Variants in LINC00305 observed in about 807,000 individuals in gnomAD.
LINC00305 encodes the protein long independently transcribed non-coding RNA 305.
At chr18:64,140,771 A>T (rs1336490541) in intron 1 of LINC00305, among the ~76,000 whole-genome samples, 1 of 152,048 alleles carries the variant, frequency 6.6e-6, no homozygotes, top group Admixed American at 6.6e-5. Flanking sequence ...CCTTGGGGAG[A>T]TTATTTTTTC....
chr18:64,141,223 T>C (rs1237636370), intron 1 of LINC00305, among the ~76,000 whole-genome samples: 2 of 151,938 alleles, frequency 1.3e-5, no homozygotes, highest in African/African-American at 4.8e-5. Context: ...TTGTTTTGAG[T>C]ATGGACGAAT....
At chr18:64,083,159 A>C (rs918244751) in intron 3 of LINC00305, among the ~76,000 whole-genome samples, 24 of 152,076 alleles carry the variant, frequency 1.6e-4, no homozygotes, top group Admixed American at 1.6e-3. Flanking sequence ...TTTAATAAAT[A>C]TTTTAAAAAT....
At chr18:64,135,415 C>T (rs2051428386) in intron 1 of LINC00305, among the ~76,000 whole-genome samples, 1 of 152,062 alleles carries the variant, frequency 6.6e-6, no homozygotes, top group Admixed American at 6.6e-5. Context: ...ATGTGCCAGT[C>T]AGTAACCCTG....
chr18:64,103,732 AC>A (rs2051277457), intron 1 of LINC00305, among the ~76,000 whole-genome samples: 1 of 152,136 alleles, frequency 6.6e-6, no homozygotes, highest in Non-Finnish European at 1.5e-5. Flanking sequence ...AAATATACTT[AC>A]CCTACACCAA....
At chr18:64,111,960 C>CA (rs2051316439) in intron 1 of LINC00305, among the ~76,000 whole-genome samples, 1 of 152,138 alleles carries the variant, frequency 6.6e-6, no homozygotes, top group East Asian at 1.9e-4. Flanking sequence ...GGATGAATTC[C>CA]AAAATATTTG....
intron 1 of LINC00305, among the ~76,000 whole-genome samples, chr18:64,110,905 G>C (rs1042473133): frequency 6.6e-6 from 1 of 152,186 alleles, no homozygotes; most frequent in African/African-American, 2.4e-5. Flanking sequence ...TGACCTCGCA[G>C]CAGGAAGTAT....
intron 1 of LINC00305, among the ~76,000 whole-genome samples, chr18:64,103,851 T>C (rs982665255): frequency 1.3e-5 from 2 of 152,248 alleles, no homozygotes; most frequent in Non-Finnish European, 2.9e-5. Flanking sequence ...ATGTTAATTT[T>C]AGCCTCAAAA....
At chr18:64,134,381 A>T (rs1044568000) in intron 1 of LINC00305, among the ~76,000 whole-genome samples, 2 of 152,228 alleles carry the variant, frequency 1.3e-5, no homozygotes, top group African/African-American at 4.8e-5. Flanking sequence ...GAACTGATCA[A>T]GATTTGTTTT....
In LINC00305 at chr18:64,146,479, T is replaced by G. The variant is rs146940556; in HGVS notation, n.314+2296A>C. On this transcript the variant is annotated intron_variant and non_coding_transcript_variant, in intron 1 of 3. Coordinates refer to ENST00000666468, the Ensembl canonical transcript of LINC00305. Reference sequence around the variant, plus strand: ...TCCTTCTAGGTTGAATACCAGGATGTTGTGGCAACCAGAAAAATAGAGATG... The same window carrying G: ...TCCTTCTAGGTTGAATACCAGGATGGTGTGGCAACCAGAAAAATAGAGATG... 2.5e-3 allele frequency among the ~76,000 whole-genome samples: 379 copies of G among 152,268 alleles called. 2 individuals carry two copies. The East Asian group carries it at 0.037, about 15-fold the overall frequency.
chr18:64,118,903 A>G lies in LINC00305; in HGVS notation n.315-20263T>C, dbSNP rs984892696. The stretch of plus-strand genomic sequence containing the variant: ...TCCTTTGTCCATAGGATTACACTTC[A>G]TACAAAGTAGGGTCTTGATAAATAT... On this transcript the variant is annotated intron_variant and non_coding_transcript_variant, in intron 1 of 3. Coordinates refer to ENST00000666468, the Ensembl canonical transcript of LINC00305. Among the ~76,000 whole-genome samples, 4 of 151,800 alleles carry G rather than the reference A, an allele frequency of 2.6e-5. No individual in the cohort carries two copies. In the South Asian group the frequency reaches 8.3e-4, roughly 32 times the overall value.
At chr18:64,111,800 C>T (rs185072730) in intron 1 of LINC00305, among the ~76,000 whole-genome samples, 12 of 152,248 alleles carry the variant, frequency 7.9e-5, no homozygotes, top group East Asian at 7.7e-4. Context: ...TGTGTTTCCA[C>T]GCCAGGTTTC....
intron 1 of LINC00305, among the ~76,000 whole-genome samples, chr18:64,134,938 G>A (rs1381085030): frequency 6.6e-6 from 1 of 152,178 alleles, no homozygotes; most frequent in Non-Finnish European, 1.5e-5. Flanking sequence ...GATAATGTCT[G>A]CATTCGTTTG....
chr18:64,141,052 T>TA (rs34175314), intron 1 of LINC00305, among the ~76,000 whole-genome samples: 48,634 of 96,270 alleles, frequency 0.51, 12,590 homozygotes, highest in East Asian at 0.68. Flanking sequence ...GCCTGAATGA[T>TA]AAAAAAAAAA....
chr18:64,112,710 C>T (rs1229416929), intron 1 of LINC00305, among the ~76,000 whole-genome samples: 1 of 152,122 alleles, frequency 6.6e-6, no homozygotes, highest in African/African-American at 2.4e-5. Flanking sequence ...CTTCAACCTG[C>T]TCTAACCTGG....
intron 1 of LINC00305, among the ~76,000 whole-genome samples, chr18:64,135,625 G>A (rs1427239402): frequency 1.3e-5 from 2 of 152,138 alleles, no homozygotes; most frequent in East Asian, 3.9e-4. Context: ...TCGCTCTGTT[G>A]CCCAGGCTGG....
chr18:64,146,365 G>A (rs2051498329), intron 1 of LINC00305, among the ~76,000 whole-genome samples: 1 of 152,176 alleles, frequency 6.6e-6, no homozygotes. Flanking sequence ...ATTTTATGTA[G>A]TTGGACTTTG....
At chr18:64,110,079 C>T (rs983125647) in intron 1 of LINC00305, among the ~76,000 whole-genome samples, 5 of 152,102 alleles carry the variant, frequency 3.3e-5, no homozygotes, top group Admixed American at 3.3e-4. Context: ...AAGATTGGAA[C>T]CCCTGTTCTA....
At chr18:64,129,984 T>G (rs1430991063) in intron 1 of LINC00305, among the ~76,000 whole-genome samples, 1 of 152,006 alleles carries the variant, frequency 6.6e-6, no homozygotes, top group Non-Finnish European at 1.5e-5. Context: ...ATTTTCTTTT[T>G]TTTTTTTTAA....
At chr18:64,142,788 G>A (rs1364629839) in intron 1 of LINC00305, among the ~76,000 whole-genome samples, 1 of 152,120 alleles carries the variant, frequency 6.6e-6, no homozygotes, top group Non-Finnish European at 1.5e-5. Flanking sequence ...CCATGTAGTA[G>A]AGAGTAGTTG....
Sources: gnomAD v4.1 joint callset for allele counts (sites outside exome capture counted in the v4.1 genomes callset) on GRCh38, gnomAD v4.1.1 for gene constraint, MANE v1.5 for transcripts, NCBI Gene and HGNC (gene_info 2026-07-23, HGNC 2026-07-21) for gene names.